Variants in ZNF704 observed in about 807,000 individuals in gnomAD.
The protein encoded by ZNF704 is zinc finger protein 704.
In ZNF704, 10 loss-of-function variants were observed where a neutral mutation model predicts 44.7. The ratio of observed to expected loss-of-function variants is 0.22; its 90% CI spans 0.14 to 0.38. ZNF704 has a LOEUF of 0.38. Ranked by LOEUF, ZNF704 falls within the 10% of genes least tolerant of loss-of-function variation. The pLI is 1.00. For synonymous variants in ZNF704, 211 were observed against 207.6 expected (o/e 1.02, Z -0.14); for missense variants, 390 against 545.5 (o/e 0.71, Z 2.84).
In ZNF704 at chr8:80,771,899, T is replaced by C. The variant is rs1338905117; in HGVS notation, c.221+49475A>G. On this transcript the variant is annotated intron_variant, in intron 2 of 8. Coordinates refer to ENST00000327835, the MANE Select transcript of ZNF704 (RefSeq NM_001033723.3). ...CTTAGCATTTTATCATGAATGGGTG[T>C]TGAATTTTGTCAAATGCTTTTCTGC... 2.6e-5 allele frequency among the ~76,000 whole-genome samples: 4 copies of C among 152,200 alleles called. No homozygotes were observed. In the South Asian group the frequency reaches 6.2e-4, roughly 24 times the overall value.
chr8:80,702,896 A>G (rs958258084), intron 2 of ZNF704, among the ~76,000 whole-genome samples: 8 of 152,126 alleles, frequency 5.3e-5, no homozygotes, highest in Non-Finnish European at 8.8e-5. Flanking sequence ...AGTTGTGGCC[A>G]GGTGGCTCAA....
At chr8:80,794,090 G>A (rs941796455) in intron 2 of ZNF704, among the ~76,000 whole-genome samples, 5 of 152,076 alleles carry the variant, frequency 3.3e-5, no homozygotes, top group African/African-American at 1.2e-4. Flanking sequence ...ATTGACATTA[G>A]TTGGACAAAA....
intron 2 of ZNF704, among the ~76,000 whole-genome samples, chr8:80,758,513 C>G (rs902558969): frequency 6.6e-6 from 1 of 152,080 alleles, no homozygotes; most frequent in Admixed American, 6.6e-5. Flanking sequence ...TGTTCTATAA[C>G]TCAGTTTCAA....
At position 80,863,460 on chromosome 8, in the gene ZNF704, G is replaced by A. The variant is rs191667091; in HGVS notation, c.-22+11111C>T. Reference sequence around the variant, plus strand: ...TTTCAATTATTTAAAAAACTCTGCCGGTCTCCAAATGTTTTCTGAAATGTT... The same window carrying A: ...TTTCAATTATTTAAAAAACTCTGCCAGTCTCCAAATGTTTTCTGAAATGTT... On this transcript the variant is annotated intron_variant, in intron 1 of 8. Coordinates refer to ENST00000327835, the MANE Select transcript of ZNF704 (RefSeq NM_001033723.3). Among the ~76,000 whole-genome samples, 59 of 152,030 alleles carry A rather than the reference G, an allele frequency of 3.9e-4. No individual in the cohort carries two copies. In the East Asian group the frequency reaches 0.01, roughly 26 times the overall value.
rs530592841 is a variant in ZNF704, at chr8:80,740,002, T to C, written c.222-46895A>G. On this transcript the variant is annotated intron_variant, in intron 2 of 8. Transcript: ENST00000327835. Reference sequence around the variant, plus strand: ...ACAGAACCCCGGGTATGCTTGACCATTGAGGGTCAGGAGGTTAACTGTCTC... The same window carrying C: ...ACAGAACCCCGGGTATGCTTGACCACTGAGGGTCAGGAGGTTAACTGTCTC... 5.9e-5 allele frequency among the ~76,000 whole-genome samples: 9 copies of C among 152,160 alleles called. No homozygotes were observed. In the South Asian group the frequency reaches 1.5e-3, roughly 25 times the overall value.
chr8:80,829,380 A>C (rs1231653443), intron 1 of ZNF704, among the ~76,000 whole-genome samples: 1 of 152,166 alleles, frequency 6.6e-6, no homozygotes, highest in East Asian at 1.9e-4. Flanking sequence ...ACTCTAAACA[A>C]CAGGGATAAA....
At chr8:80,674,641 C>A (rs1468369064) in intron 4 of ZNF704, among the ~76,000 whole-genome samples, 1 of 152,154 alleles carries the variant, frequency 6.6e-6, no homozygotes, top group African/African-American at 2.4e-5. Context: ...AATGGCACCA[C>A]GCCATTCAAG....
At chr8:80,756,602 A>C (rs1282092392) in intron 2 of ZNF704, among the ~76,000 whole-genome samples, 1 of 152,208 alleles carries the variant, frequency 6.6e-6, no homozygotes, top group East Asian at 1.9e-4. Flanking sequence ...ATTTTTCAGA[A>C]ACTCACTTGG....
intron 4 of ZNF704, among the ~76,000 whole-genome samples, chr8:80,677,028 C>G (rs1818379840): frequency 6.6e-6 from 1 of 152,200 alleles, no homozygotes; most frequent in Non-Finnish European, 1.5e-5. Context: ...GCATAAGATA[C>G]TATTTCCATA....
At chr8:80,734,113 G>A (rs1033261048) in intron 2 of ZNF704, among the ~76,000 whole-genome samples, 3 of 152,174 alleles carry the variant, frequency 2.0e-5, no homozygotes, top group Admixed American at 2.0e-4. Context: ...CAAAATGTGA[G>A]AAACCACTAT....
chr8:80,823,485 C>T (rs1461745964), intron 1 of ZNF704, among the ~76,000 whole-genome samples: 1 of 152,224 alleles, frequency 6.6e-6, no homozygotes, highest in African/African-American at 2.4e-5. Context: ...GTAGACTCCA[C>T]CTCTGGGGGT....
intron 7 of ZNF704, chr8:80,658,867 A>G (rs572301759): frequency 6.6e-6 from 1 of 152,298 alleles, no homozygotes; most frequent in East Asian, 1.9e-4. Flanking sequence ...AATAAGGTTA[A>G]TATCTGTTAT....
intron 2 of ZNF704, among the ~76,000 whole-genome samples, chr8:80,797,774 A>G (rs1439315393): frequency 6.6e-6 from 1 of 152,154 alleles, no homozygotes; most frequent in Non-Finnish European, 1.5e-5. Context: ...CTAGTCTCTT[A>G]ATCATCCCTT....
intron 1 of ZNF704, among the ~76,000 whole-genome samples, chr8:80,836,008 C>T (rs1808552694): frequency 6.6e-6 from 1 of 152,170 alleles, no homozygotes; most frequent in Non-Finnish European, 1.5e-5. Context: ...CTCCCCGGAG[C>T]CCTGTTTCCA....
chr8:80,707,080 A>G (rs952366280), intron 2 of ZNF704, among the ~76,000 whole-genome samples: 3 of 152,168 alleles, frequency 2.0e-5, no homozygotes, highest in African/African-American at 7.2e-5. Context: ...CTGTGGGTTG[A>G]TGTCACTCCC....
intron 1 of ZNF704, among the ~76,000 whole-genome samples, chr8:80,823,884 A>G (rs1387357688): frequency 1.3e-5 from 2 of 152,236 alleles, no homozygotes; most frequent in African/African-American, 4.8e-5. Flanking sequence ...GAAAACTAAC[A>G]AACAGAAAGG....
At position 80,696,050 on chromosome 8, in the gene ZNF704, ACTAT is replaced by A. The variant is rs1464520086; in HGVS notation, c.222-2947_222-2944del. On this transcript the variant is annotated intron_variant, in intron 2 of 8. Transcript: ENST00000327835. ...TTTGTTTAATTTCTTTTGGTACACTACTATCTAATTACTGATTAACTGGTACTGT... is the reference window on the plus strand; with the variant it reads ...TTTGTTTAATTTCTTTTGGTACACTACTAATTACTGATTAACTGGTACTGT... 1.8e-4 allele frequency among the ~76,000 whole-genome samples: 27 copies of A among 152,312 alleles called. No individual in the cohort carries two copies. In the East Asian group the frequency reaches 1.9e-3, roughly 11 times the overall value.
intron 2 of ZNF704, among the ~76,000 whole-genome samples, chr8:80,731,271 C>T (rs772237297): frequency 1.3e-5 from 2 of 152,112 alleles, no homozygotes; most frequent in African/African-American, 4.8e-5. Context: ...CACTTAAAAA[C>T]AGCTGGTAAA....
At chr8:80,730,644 TA>T (rs2131680386) in intron 2 of ZNF704, among the ~76,000 whole-genome samples, 1 of 151,652 alleles carries the variant, frequency 6.6e-6, no homozygotes, top group African/African-American at 2.4e-5. Context: ...TTTTAATTTC[TA>T]AAAAATAGAT....
Sources: allele counts gnomAD v4.1 joint callset (sites outside exome capture counted in the v4.1 genomes callset), GRCh38; gene constraint gnomAD v4.1.1; transcripts MANE v1.5; gene names NCBI Gene and HGNC (gene_info 2026-07-23, HGNC 2026-07-21).